The following LGI2 variants were observed in gnomAD, a reference collection of about 807,000 sequenced individuals.
LGI2 encodes leucine-rich repeat LGI family member 2.
LGI2 carries 30 observed loss-of-function variants against 52.0 expected under a neutral mutation model. The ratio of observed to expected loss-of-function variants is 0.58; its 90% CI spans 0.43 to 0.78. The LOEUF (loss-of-function observed/expected upper bound fraction) is 0.78. LGI2 is among the 30% of genes least tolerant of loss of function. The probability of loss-of-function intolerance (pLI) is 0.00; values close to 1 mark genes in which losing one functional copy is unlikely to be tolerated. For synonymous variants in LGI2, 270 were observed against 271.8 expected, an observed-to-expected ratio of 0.99 and a Z score of 0.06; for missense variants, 573 against 692.5, an observed-to-expected ratio of 0.83 and a Z score of 1.94.
At chr4:25,022,251 T>G (rs1220487602) in intron 4 of LGI2, among the ~76,000 whole-genome samples, 2 of 152,098 alleles carry the variant, frequency 1.3e-5, no homozygotes, top group Non-Finnish European at 2.9e-5. Flanking sequence ...GGAGAATGGC[T>G]TAACTGGGGA....
At chr4:25,018,230 C>A in intron 5 of LGI2, 72 bp from the exon 6 acceptor site, 1 of 1,091,608 alleles carries the variant, frequency 9.2e-7, no homozygotes, top group South Asian at 1.9e-5. Flanking sequence ...GGTAGTAACA[C>A]GAAACTCCAG....
chr4:25,023,053 G>A (rs1047242743), intron 4 of LGI2, among the ~76,000 whole-genome samples: 6 of 118,536 alleles, frequency 5.1e-5, no homozygotes, highest in African/African-American at 2.0e-4. Context: ...ATGGAGGGAA[G>A]GAATTATGTT....
chr4:25,024,508 C>T (rs762160896), intron 4 of LGI2, among the ~76,000 whole-genome samples: 17 of 151,912 alleles, frequency 1.1e-4, no homozygotes, highest in South Asian at 4.1e-4. Flanking sequence ...AGTGAGACTC[C>T]GTCTCAAAAA....
rs2232026 is a variant in LGI2, at chr4:25,003,758, C to T, written c.1331G>A (p.Arg444Gln). 2.4e-4 allele frequency: 384 copies of T among 1,614,030 alleles called. No individual in the cohort carries two copies. The highest frequency in any genetic ancestry group is 3.0e-4 in the Non-Finnish European group (357 of 1,180,044). The change falls in exon 8 of 8, where the codon CGG becomes CAG. Residue 444 changes from arginine (R) to glutamine (Q), a missense_variant. By Grantham distance (43) the Arg-to-Gln change is conservative. Transcript: ENST00000382114. Reference sequence around the variant, plus strand: ...CTGCTTACTGTTCCACCTCATGACCCGGGAGTCCCCGATGAAGCGGGTAAG... The same window carrying T: ...CTGCTTACTGTTCCACCTCATGACCTGGGAGTCCCCGATGAAGCGGGTAAG... ...LSLTRFIGDS[R>Q]VMRWNSKQFV...
chr4:25,010,912 G>C (rs1354181087), intron 7 of LGI2, among the ~76,000 whole-genome samples: 1 of 151,850 alleles, frequency 6.6e-6, no homozygotes, highest in Non-Finnish European at 1.5e-5. Flanking sequence ...GTGAGACCCT[G>C]TCTCTACAAA....
chr4:25,015,102 T>C (rs1414778241), intron 6 of LGI2, among the ~76,000 whole-genome samples: 1 of 152,210 alleles, frequency 6.6e-6, no homozygotes, highest in East Asian at 1.9e-4. Flanking sequence ...CTGGATTAAG[T>C]TCATGATGTC....
Position 25,030,706 on chromosome 4 carries a change from C to A in LGI2, c.-13G>T. ...TCCGCAGCGCCATGCCCGGTCCCCGCTCCCCGCCCGGGCCCCGACCCCCAC... is the reference window on the plus strand; with the variant it reads ...TCCGCAGCGCCATGCCCGGTCCCCGATCCCCGCCCGGGCCCCGACCCCCAC... On this transcript the variant is annotated 5_prime_UTR_variant, in exon 1 of 8. Coordinates refer to ENST00000382114, the MANE Select transcript of LGI2 (RefSeq NM_018176.4). 2 of 1,284,238 alleles carry A rather than the reference C, an allele frequency of 1.6e-6. No homozygotes were observed. The highest frequency in any genetic ancestry group is 4.9e-5 in the South Asian group (2 of 40,588). 79.6% of individuals were successfully genotyped at this position (1,284,238 alleles called of 1,614,324 possible).
chr4:25,018,966 T>C (rs541993191), intron 5 of LGI2, among the ~76,000 whole-genome samples: 3 of 152,212 alleles, frequency 2.0e-5, no homozygotes, highest in Middle Eastern at 3.4e-3. Flanking sequence ...TGATTTACCA[T>C]TGGCCTCATG....
downstream of LGI2, among the ~76,000 whole-genome samples, chr4:24,994,458 C>A (rs940174354): frequency 2.6e-5 from 4 of 152,148 alleles, no homozygotes; most frequent in Admixed American, 1.3e-4. Flanking sequence ...GTACTCCTGG[C>A]ACAAGTCTGC....
rs1725661002 is a variant in LGI2, at chr4:25,013,693, C to T, written c.656-1194G>A. Among the ~76,000 whole-genome samples, 3 of 152,084 alleles carry T rather than the reference C, an allele frequency of 2.0e-5. No homozygotes were observed. In the South Asian group the frequency reaches 6.2e-4, roughly 32 times the overall value. On this transcript the variant is annotated intron_variant, in intron 6 of 7. Transcript: ENST00000382114. ...TGCCATAAAGACTAAATGCAAGGTACATGTAAGTATATATTGCAGTGCTAT... is the reference window on the plus strand; with the variant it reads ...TGCCATAAAGACTAAATGCAAGGTATATGTAAGTATATATTGCAGTGCTAT...
downstream of LGI2, among the ~76,000 whole-genome samples, chr4:24,994,827 G>C (rs940307341): frequency 7.2e-5 from 11 of 152,164 alleles, no homozygotes; most frequent in African/African-American, 2.4e-4. Context: ...AGGTGACAAA[G>C]ATGTCTCTGA....
At chr4:25,026,686 C>T (rs1443745719) in intron 3 of LGI2, among the ~76,000 whole-genome samples, 182 bp downstream of exon 3, 1 of 152,210 alleles carries the variant, frequency 6.6e-6, no homozygotes, top group Admixed American at 6.5e-5. Context: ...CCAGCCTCCT[C>T]CTTCCCCAGC....
chr4:25,030,445 G>T, intron 1 of LGI2, 52 bp downstream of exon 1: 1 of 1,540,156 alleles, frequency 6.5e-7, no homozygotes. Context: ...CCTCGCGGCG[G>T]CGGACGCAGG....
At chr4:25,022,375 G>A (rs1409433380) in intron 4 of LGI2, among the ~76,000 whole-genome samples, 5 of 152,276 alleles carry the variant, frequency 3.3e-5, no homozygotes, top group Admixed American at 3.3e-4. Flanking sequence ...GGATGGGGTG[G>A]GGGAGCGCCG....
intron 7 of LGI2, 94 bp downstream of exon 7, chr4:25,012,241 G>A (rs908035189): frequency 1.2e-5 from 16 of 1,384,312 alleles, no homozygotes; most frequent in South Asian, 5.1e-5. Context: ...TTAGAGAGCC[G>A]AGCTCTCCCT....
In LGI2 at chr4:25,017,995, T is replaced by C. The variant is rs1250645214; in HGVS notation, c.649A>G (p.Thr217Ala). Residue 217 changes from threonine (T) to alanine (A), a missense_variant, in exon 6 of 8, where the codon ACT (threonine) becomes GCT (alanine). Thr to Ala is a moderately conservative substitution (Grantham distance 58). Coordinates refer to ENST00000382114, the MANE Select transcript of LGI2 (RefSeq NM_018176.4). ...TGAGATAGGCTCTGAATACCTGTAG[T>C]TGTGCATTCATAGTCAAAGCTGGTC... ...DVTSFDYECT[T>A]TDFVVHQTLP... The C allele has an allele frequency of 4.3e-6, 7 of 1,609,376 alleles. No homozygotes were observed. Among genetic ancestry groups the C allele is most frequent in the Admixed American group, 1.7e-5 (1 of 58,638 alleles).
At chr4:25,023,290 C>G (rs530551335) in intron 4 of LGI2, among the ~76,000 whole-genome samples, 2 of 152,258 alleles carry the variant, frequency 1.3e-5, no homozygotes, top group South Asian at 2.1e-4. Flanking sequence ...CCTATCCAAG[C>G]CTATACGACT....
At chr4:24,995,181 T>C (rs1725034074), downstream of LGI2, among the ~76,000 whole-genome samples, 1 of 152,214 alleles carries the variant, frequency 6.6e-6, no homozygotes, top group African/African-American at 2.4e-5. Context: ...TTAAACAGTG[T>C]GTATGTGTGT....
chr4:25,028,043 T>A (rs1259518643), intron 2 of LGI2, among the ~76,000 whole-genome samples: 2 of 152,220 alleles, frequency 1.3e-5, no homozygotes, highest in African/African-American at 4.8e-5. Flanking sequence ...GCCTTCATCA[T>A]ACCGATGAAG....
Sources: allele counts gnomAD v4.1 joint callset (sites outside exome capture counted in the v4.1 genomes callset), GRCh38; gene constraint gnomAD v4.1.1; transcripts MANE v1.5; gene names NCBI Gene and HGNC (gene_info 2026-07-23, HGNC 2026-07-21).